The following ETNK2 variants were observed in gnomAD, a reference collection of about 807,000 sequenced individuals.
The protein encoded by ETNK2 is ethanolamine kinase-like protein.
ETNK2 carries 33 observed loss-of-function variants against 46.2 expected under a neutral mutation model. The ratio of observed to expected loss-of-function variants is 0.71; its 90% CI spans 0.54 to 0.96. The LOEUF is 0.96. Ranked by LOEUF, ETNK2 falls within the 40% of genes least tolerant of loss-of-function variation. The pLI is 0.00. For synonymous variants in ETNK2, 194 were observed against 209.0 expected (o/e 0.93, Z 0.62); for missense variants, 445 against 509.7 (o/e 0.87, Z 1.22).
At position 204,132,092 on chromosome 1, in the gene ETNK2, C is replaced by A. The variant is rs1335231389; in HGVS notation, c.*92G>T. ...ACACCCATGTGTCCCCTCTCCCACC[C>A]TGTCCAAGGGTGTGGATCCCAGAGT... On this transcript the variant is annotated 3_prime_UTR_variant, in exon 8 of 8. Transcript: ENST00000367202. 7 of 1,046,622 alleles carry A rather than the reference C, an allele frequency of 6.7e-6. No individual in the cohort carries two copies. The highest frequency in any genetic ancestry group is 1.0e-5 in the Non-Finnish European group (7 of 688,162). 64.8% of individuals were successfully genotyped at this position (1,046,622 alleles called of 1,614,324 possible).
Position 204,137,189 on chromosome 1 carries a change from T to C in ETNK2, c.929A>G (p.His310Arg), listed in dbSNP as rs764023394. Residue 310 changes from histidine (H) to arginine (R), a missense_variant, in exon 6 of 8, where the codon CAC becomes CGC. By Grantham distance (29) the His-to-Arg change is conservative. Coordinates refer to ENST00000367202, the MANE Select transcript of ETNK2 (RefSeq NM_018208.4). ...CCCCTTTTGTGCCTGCAGGTAGTAG[T>C]GCAGCCACTGCAGCTGGGTCTCCCG... ...PARETQLQWL[H>R]YYLQAQKGMA... 8.1e-6 allele frequency: 13 copies of C among 1,613,980 alleles called. No homozygotes were observed. The highest frequency in any genetic ancestry group is 1.1e-5 in the Non-Finnish European group (13 of 1,179,856).
chr1:204,141,466 T>C lies in ETNK2; in HGVS notation c.642-9A>G. The C allele has an allele frequency of 6.4e-7, 1 of 1,570,086 alleles. No individual in the cohort carries two copies. Among genetic ancestry groups the C allele is most frequent in the Non-Finnish European group, 8.6e-7 (1 of 1,158,050 alleles). On this transcript the variant is annotated splice_polypyrimidine_tract_variant and intron_variant, in intron 3 of 7. Coordinates refer to ENST00000367202, the MANE Select transcript of ETNK2 (RefSeq NM_018208.4). ...GGACATCTGCAGAAAGGCTGGGCAGTGGCAAAAAAGGTAGCCAGTGAAAGG... is the reference window on the plus strand; with the variant it reads ...GGACATCTGCAGAAAGGCTGGGCAGCGGCAAAAAAGGTAGCCAGTGAAAGG...
chr1:204,142,038 C>G (rs1025694396), intron 3 of ETNK2: 1 of 154,822 alleles, frequency 6.5e-6, no homozygotes, highest in African/African-American at 2.4e-5. Context: ...TATGCACCCC[C>G]CTCTCACCCC....
intron 2 of ETNK2, chr1:204,147,071 C>G: frequency 2.0e-6 from 1 of 507,512 alleles, no homozygotes; most frequent in South Asian, 1.7e-5. Context: ...TTGTCCTACC[C>G]CAGTGTACCC....
At chr1:204,140,282 TCATCCATC>T (rs60488986) in intron 4 of ETNK2, among the ~76,000 whole-genome samples, 164 bp from the exon 5 acceptor site, 233 of 146,202 alleles carry the variant, frequency 1.6e-3, no homozygotes, top group African/African-American at 5.3e-3. Flanking sequence ...CTACTTCCAT[TCATCCATC>T]CATCCATCCA....
intron 4 of ETNK2, 29 bp downstream of exon 4, chr1:204,141,286 C>G (rs888192206): frequency 5.0e-6 from 8 of 1,613,936 alleles, no homozygotes; most frequent in Non-Finnish European, 6.8e-6. Context: ...CAAAACCCTG[C>G]TGCTGCCCCA....
chr1:204,143,798 C>T (rs56706414), intron 3 of ETNK2, among the ~76,000 whole-genome samples: 5,000 of 152,222 alleles, frequency 0.033, 239 homozygotes, highest in African/African-American at 0.11. Flanking sequence ...CTTTGCCCTC[C>T]CACCAACCCA....
At position 204,149,880 on chromosome 1, in the gene ETNK2, T is replaced by A. The variant is rs1558239762; in HGVS notation, c.341A>T (p.Tyr114Phe). 6.3e-7 allele frequency: 1 copy of A among 1,590,740 alleles called. No homozygotes were observed. The highest frequency in any genetic ancestry group is 8.6e-7 in the Non-Finnish European group (1 of 1,169,002). Residue 114 changes from tyrosine (Y) to phenylalanine (F), a missense_variant, in exon 2 of 8, where the codon TAT becomes TTT. Transcript: ENST00000367202. ...CACCAGCAGCTCCGTCCGCTCCCCA[T>A]ACACCCGGACCAGCACGCAGTCCTG... ...DMQDCVLVRV[Y>F]GERTELLVDR...
chr1:204,140,207 C>T, intron 4 of ETNK2, 89 bp from the exon 5 acceptor site: 1 of 1,060,762 alleles, frequency 9.4e-7, no homozygotes, highest in South Asian at 1.3e-5. Context: ...TGGGATGCAC[C>T]CACTGAGTGA....
chr1:204,148,604 ACACACACT>A (rs772987962), intron 2 of ETNK2, among the ~76,000 whole-genome samples: 1 of 125,480 alleles, frequency 8.0e-6, no homozygotes, highest in East Asian at 2.3e-4. Flanking sequence ...ACACACACAC[ACACACACT>A]GCTACAATAC....
Position 204,132,204 on chromosome 1 carries a change from C to A in ETNK2, c.1141G>T (p.Ala381Ser). Reference protein sequence around the residue: ...QYFKVKPQASALEMPK With the variant: ...QYFKVKPQASSLEMPK ...GCTGGTCACTTTGGCATCTCCAAGGCTGACGCTTGAGGCTTCACCTTGAAG... is the reference window on the plus strand; with the variant it reads ...GCTGGTCACTTTGGCATCTCCAAGGATGACGCTTGAGGCTTCACCTTGAAG... The change falls in exon 8 of 8, where the codon GCC becomes TCC. Residue 381 changes from alanine to serine, a missense_variant. By Grantham distance (99) the Ala-to-Ser change is moderately conservative. Coordinates refer to ENST00000367202, the MANE Select transcript of ETNK2 (RefSeq NM_018208.4). The A allele has an allele frequency of 6.4e-7, 1 of 1,573,792 alleles. No individual in the cohort carries two copies. The highest frequency in any genetic ancestry group is 1.3e-5 in the African/African-American group (1 of 74,194).
chr1:204,141,706 A>G (rs1446047317), intron 3 of ETNK2: 3 of 507,544 alleles, frequency 5.9e-6, no homozygotes, highest in Non-Finnish European at 1.1e-5. Flanking sequence ...GAGGCAGAGC[A>G]TAAAAGTCAC....
chr1:204,149,613 C>G (rs1657924805), intron 2 of ETNK2, 90 bp downstream of exon 2: 3 of 1,450,602 alleles, frequency 2.1e-6, no homozygotes, highest in Non-Finnish European at 2.8e-6. Flanking sequence ...ACAGATCTTA[C>G]AACTCTCCAC....
rs1658013727 is a variant in ETNK2 at position 204,151,744 on chromosome 1, C to T, written c.109G>A (p.Ala37Thr). 1 of 1,528,146 alleles carries T rather than the reference C, an allele frequency of 6.5e-7. No individual in the cohort carries two copies. The highest frequency in any genetic ancestry group is 1.4e-5 in the African/African-American group (1 of 71,700). 94.7% of individuals were successfully genotyped at this position (1,528,146 alleles called of 1,614,324 possible). Reference sequence around the variant, plus strand: ...GGGCCCGGCGGCTCCCGGCAGCTGGCGCTGGCCGCCGCCTTCTCCTCCATG... The same window carrying T: ...GGGCCCGGCGGCTCCCGGCAGCTGGTGCTGGCCGCCGCCTTCTCCTCCATG... ...WGMEEKAAAS[A>T]SCREPPGPPR... Residue 37 changes from alanine to threonine, a missense_variant, in exon 1 of 8, where the codon GCC (alanine) becomes ACC (threonine). By Grantham distance (58) the Ala-to-Thr change is moderately conservative. Coordinates refer to ENST00000367202, the MANE Select transcript of ETNK2 (RefSeq NM_018208.4). The surrounding 1 kb of genome is among the most constrained non-coding windows in gnomAD (Gnocchi z 8.0).
At chr1:204,150,732 G>A (rs1270017867) in intron 1 of ETNK2, among the ~76,000 whole-genome samples, 2 of 152,148 alleles carry the variant, frequency 1.3e-5, no homozygotes, top group Non-Finnish European at 2.9e-5. Context: ...TGCCTTGACA[G>A]TCTTATACCA....
chr1:204,140,126 G>A lies in ETNK2; in HGVS notation c.785-8C>T, dbSNP rs763411033. 5 of 1,612,042 alleles carry A rather than the reference G, an allele frequency of 3.1e-6. No homozygotes were observed. Among genetic ancestry groups the A allele is most frequent in the Non-Finnish European group, 4.2e-6 (5 of 1,178,162 alleles). On this transcript the variant is annotated splice_region_variant and splice_polypyrimidine_tract_variant and intron_variant, in intron 4 of 7. Transcript: ENST00000367202. ...CAATGAACCGCACGTGACCTATGAA[G>A]TAGAGGAGAATCGATGAGAGTTGGC...
At chr1:204,150,749 GC>G (rs977385027) in intron 1 of ETNK2, among the ~76,000 whole-genome samples, 1 of 152,134 alleles carries the variant, frequency 6.6e-6, no homozygotes, top group Non-Finnish European at 1.5e-5. Flanking sequence ...ACCAAACTGG[GC>G]CTTTTATTTT....
intron 5 of ETNK2, among the ~76,000 whole-genome samples, chr1:204,137,620 G>A (rs1352083753): frequency 6.6e-6 from 1 of 152,180 alleles, no homozygotes; most frequent in Non-Finnish European, 1.5e-5. Context: ...CACTGGATAA[G>A]CATTACTAGC....
intron 3 of ETNK2, among the ~76,000 whole-genome samples, chr1:204,143,212 C>T (rs1657629081): frequency 2.0e-5 from 3 of 151,976 alleles, no homozygotes; most frequent in Admixed American, 1.3e-4. Flanking sequence ...TAAGAAGCTA[C>T]CTTTTAAGAT....
Sources: gnomAD v4.1 joint callset for allele counts (sites outside exome capture counted in the v4.1 genomes callset) on GRCh38, gnomAD v4.1.1 for gene constraint, Gnocchi (gnomAD v3.1) non-coding constraint, MANE v1.5 for transcripts, NCBI Gene and HGNC (gene_info 2026-07-23, HGNC 2026-07-21) for gene names.